PDSS2: variants seen among roughly 807,000 people sequenced by gnomAD.
PDSS2 encodes decaprenyl diphosphate synthase subunit 2.
In PDSS2, 31 loss-of-function variants were observed where a neutral mutation model predicts 44.5. The ratio of observed to expected loss-of-function variants is 0.70; its 90% CI spans 0.52 to 0.94. The LOEUF is 0.94. Ranked by LOEUF, PDSS2 falls within the 40% of genes least tolerant of loss-of-function variation. The probability of loss-of-function intolerance (pLI) is 0.00; values close to 1 mark genes in which losing one functional copy is unlikely to be tolerated. For synonymous variants in PDSS2, 157 were observed against 180.3 expected, an observed-to-expected ratio of 0.87 and a Z score of 1.03; for missense variants, 452 against 482.2, an observed-to-expected ratio of 0.94 and a Z score of 0.59.
intron 3 of PDSS2, among the ~76,000 whole-genome samples, chr6:107,246,949 G>A (rs1774640114): frequency 6.6e-6 from 1 of 152,098 alleles, no homozygotes; most frequent in East Asian, 1.9e-4. Flanking sequence ...GGAACTGGAA[G>A]GACAATGATC....
chr6:107,163,489 A>G (rs1254406110), intron 7 of PDSS2, among the ~76,000 whole-genome samples: 1 of 152,192 alleles, frequency 6.6e-6, no homozygotes, highest in African/African-American at 2.4e-5. Context: ...AGCTAAACAT[A>G]AACTACTGAC....
intron 1 of PDSS2, among the ~76,000 whole-genome samples, chr6:107,431,486 C>T (rs986462300): frequency 6.6e-6 from 1 of 152,102 alleles, no homozygotes; most frequent in African/African-American, 2.4e-5. Flanking sequence ...TGGGCTCATG[C>T]GAACCTGCTG....
At chr6:107,274,667 C>CTTTTTTTTTTTTT (rs5878910) in intron 2 of PDSS2, among the ~76,000 whole-genome samples, 1 of 106,556 alleles carries the variant, frequency 9.4e-6, no homozygotes, top group Non-Finnish European at 1.9e-5. Context: ...ATCTCTCTCT[C>CTTTTTTTTTTTTT]TTTTTTTTTT....
chr6:107,214,327 G>C (rs962687300), intron 4 of PDSS2, among the ~76,000 whole-genome samples: 1 of 151,912 alleles, frequency 6.6e-6, no homozygotes, highest in African/African-American at 2.4e-5. Context: ...TCCTGACCTC[G>C]TGATCCGCCC....
chr6:107,372,902 A>T (rs535051176), intron 1 of PDSS2, among the ~76,000 whole-genome samples: 22 of 152,234 alleles, frequency 1.4e-4, no homozygotes, highest in African/African-American at 3.4e-4. Context: ...ATGTTTCTCA[A>T]TGTATACAGG....
At chr6:107,428,874 C>G (rs188318402) in intron 1 of PDSS2, among the ~76,000 whole-genome samples, 2 of 152,266 alleles carry the variant, frequency 1.3e-5, no homozygotes, top group East Asian at 3.9e-4. Flanking sequence ...AAAATCATCT[C>G]TTTCAAAAAG....
intron 3 of PDSS2, among the ~76,000 whole-genome samples, chr6:107,255,352 C>G (rs2114851516): frequency 6.6e-6 from 1 of 152,012 alleles, no homozygotes; most frequent in Non-Finnish European, 1.5e-5. Flanking sequence ...GCTACCACGC[C>G]TGGCTAATTT....
chr6:107,397,909 G>C (rs1453934186), intron 1 of PDSS2, among the ~76,000 whole-genome samples: 5 of 152,130 alleles, frequency 3.3e-5, no homozygotes, highest in African/African-American at 1.2e-4. Context: ...ATGTTTGGAA[G>C]AGAAGCATAC....
At position 107,363,388 on chromosome 6, in the gene PDSS2, G is replaced by A. The variant is rs187703058; in HGVS notation, c.297-29056C>T. Among the ~76,000 whole-genome samples, 16 of 152,248 alleles carry A rather than the reference G, an allele frequency of 1.1e-4. No homozygotes were observed. In the East Asian group the frequency reaches 2.9e-3, roughly 28 times the overall value. On this transcript the variant is annotated intron_variant, in intron 1 of 7. Coordinates refer to ENST00000369037, the MANE Select transcript of PDSS2 (RefSeq NM_020381.4). ...CCCTTCTGATGTTCAGATGTGTTTG[G>A]AATTTCTTCCTTCTGGTGGGTTCGT...
Position 107,459,465 on chromosome 6 carries a change from C to G in PDSS2, c.-180G>C. On this transcript the variant is annotated 5_prime_UTR_variant, in exon 1 of 8. Transcript: ENST00000369037. This position sits in a 1 kb window ranked among gnomAD's most constrained non-coding sequence, Gnocchi z 4.3. ...ACTTTAACTGCTGCTTTCTGCAGCC[C>G]AGGCTGGGCAAACAACAGTCCCAGC... The G allele has an allele frequency of 1.6e-6, 1 of 614,200 alleles. No individual in the cohort carries two copies. The highest frequency in any genetic ancestry group is 2.9e-6 in the Non-Finnish European group (1 of 347,132). The allele number at this position is 614,200 out of a possible 1,614,324, so 38.0% of individuals were successfully genotyped here. A position where few individuals can be genotyped will look rare whatever the true frequency, so the allele number is the denominator to read the frequency against.
intron 6 of PDSS2, among the ~76,000 whole-genome samples, chr6:107,202,296 C>T (rs915098276): frequency 3.3e-5 from 5 of 152,114 alleles, no homozygotes; most frequent in African/African-American, 1.2e-4. Flanking sequence ...GCCTTGGCCT[C>T]CCAAAGTGCT....
At chr6:107,256,280 G>A (rs893523024) in intron 3 of PDSS2, among the ~76,000 whole-genome samples, 1 of 152,066 alleles carries the variant, frequency 6.6e-6, no homozygotes, top group Non-Finnish European at 1.5e-5. Flanking sequence ...TGTGAGCCAC[G>A]GTGCCCTGCC....
chr6:107,377,259 A>G (rs976738879), intron 1 of PDSS2, among the ~76,000 whole-genome samples: 1 of 152,184 alleles, frequency 6.6e-6, no homozygotes, highest in Non-Finnish European at 1.5e-5. Context: ...AAAAGAAGAC[A>G]TTTATGCAGC....
intron 1 of PDSS2, among the ~76,000 whole-genome samples, chr6:107,454,047 C>CT (rs34161602): frequency 0.12 from 16,094 of 131,592 alleles, 1,344 homozygotes; most frequent in East Asian, 0.37. Flanking sequence ...TTTCAGACTT[C>CT]TTTTTTTTTT....
intron 3 of PDSS2, among the ~76,000 whole-genome samples, chr6:107,271,896 T>TAA (rs200316483): frequency 1.1e-4 from 17 of 150,140 alleles, no homozygotes; most frequent in African/African-American, 4.2e-4. Context: ...AGCCCGTCTC[T>TAA]AAAAAAAAAT....
chr6:107,389,417 C>T (rs1444278934), intron 1 of PDSS2, among the ~76,000 whole-genome samples: 1 of 152,156 alleles, frequency 6.6e-6, no homozygotes, highest in Non-Finnish European at 1.5e-5. Flanking sequence ...AGAACTTGTA[C>T]ATGAATACTG....
intron 1 of PDSS2, among the ~76,000 whole-genome samples, chr6:107,410,084 G>T (rs374061398): frequency 6.6e-6 from 1 of 152,126 alleles, no homozygotes; most frequent in East Asian, 1.9e-4. Context: ...AGAATAAGGG[G>T]AAGCATGCTG....
chr6:107,361,886 T>A (rs191975180), intron 1 of PDSS2, among the ~76,000 whole-genome samples: 113 of 152,314 alleles, frequency 7.4e-4, no homozygotes, highest in Non-Finnish European at 1.5e-3. Context: ...CTCACCTCCA[T>A]CCCCTTGCTT....
At chr6:107,210,391 A>C (rs1773156372) in intron 6 of PDSS2, 48 bp downstream of exon 6, 1 of 1,398,164 alleles carries the variant, frequency 7.2e-7, no homozygotes, top group Non-Finnish European at 1.0e-6. Flanking sequence ...ATGTTCTAAA[A>C]TCCACTAATT....
Sources: gnomAD v4.1 joint callset for allele counts (sites outside exome capture counted in the v4.1 genomes callset) on GRCh38, gnomAD v4.1.1 for gene constraint, Gnocchi (gnomAD v3.1) non-coding constraint, MANE v1.5 for transcripts, NCBI Gene and HGNC (gene_info 2026-07-23, HGNC 2026-07-21) for gene names.